DOK6: variants seen among roughly 807,000 people sequenced by gnomAD.
DOK6 encodes docking protein 6.
In DOK6, 22 loss-of-function variants were observed where a neutral mutation model predicts 44.0. The observed-to-expected ratio is 0.50, with a 90% CI of 0.36 to 0.71. DOK6 has a LOEUF of 0.71. Among genes scored for constraint, DOK6 ranks in the 30% least tolerant of loss-of-function variants. The pLI, the probability that DOK6 is intolerant of heterozygous loss-of-function variation, is 0.00. For missense variants in DOK6, 340 were observed against 416.4 expected, an observed-to-expected ratio of 0.82 and a Z score of 1.60; for synonymous variants, 166 against 145.5, an observed-to-expected ratio of 1.14 and a Z score of -1.01.
chr18:69,653,791 CATT>C (rs934393554), intron 3 of DOK6, among the ~76,000 whole-genome samples: 21 of 152,278 alleles, frequency 1.4e-4, no homozygotes, highest in African/African-American at 4.8e-4. Context: ...AGATAAACAT[CATT>C]GAGATCCTCA....
At chr18:69,420,294 T>C (rs564035136) in intron 1 of DOK6, among the ~76,000 whole-genome samples, 10 of 152,196 alleles carry the variant, frequency 6.6e-5, no homozygotes, top group Non-Finnish European at 1.2e-4. Context: ...TATATTTGTC[T>C]TTAAAATTTA....
intron 3 of DOK6, among the ~76,000 whole-genome samples, chr18:69,634,387 A>G (rs1984756540): frequency 6.6e-6 from 1 of 152,150 alleles, no homozygotes; most frequent in Non-Finnish European, 1.5e-5. Context: ...AAAACTGATC[A>G]TGCTTTTTGC....
At chr18:69,495,073 C>A (rs1408378733) in intron 1 of DOK6, among the ~76,000 whole-genome samples, 1 of 152,216 alleles carries the variant, frequency 6.6e-6, no homozygotes, top group Non-Finnish European at 1.5e-5. Flanking sequence ...AGGATGGGCA[C>A]CTCCAGGTGC....
intron 1 of DOK6, among the ~76,000 whole-genome samples, chr18:69,505,601 G>A (rs898244467): frequency 5.4e-5 from 8 of 147,444 alleles, no homozygotes; most frequent in Non-Finnish European, 7.4e-5. Context: ...AGGTTCAAGC[G>A]ATTCTCCTGC....
At chr18:69,558,748 A>C (rs768930036) in intron 1 of DOK6, among the ~76,000 whole-genome samples, 3 of 152,174 alleles carry the variant, frequency 2.0e-5, no homozygotes, top group Non-Finnish European at 4.4e-5. Context: ...AGGAGACAGA[A>C]CAACTACATG....
intron 3 of DOK6, among the ~76,000 whole-genome samples, chr18:69,675,036 A>G (rs1985889846): frequency 6.6e-6 from 1 of 152,026 alleles, no homozygotes; most frequent in African/African-American, 2.4e-5. Context: ...TGCTATTCCT[A>G]TTCTTATATG....
chr18:69,808,921 G>A (rs924074134), intron 7 of DOK6, among the ~76,000 whole-genome samples: 12 of 151,754 alleles, frequency 7.9e-5, no homozygotes, highest in African/African-American at 2.4e-4. Context: ...CATAGAAGAA[G>A]AGAAAATACT....
intron 7 of DOK6, among the ~76,000 whole-genome samples, chr18:69,772,143 C>G (rs963473514): frequency 1.3e-5 from 2 of 151,780 alleles, no homozygotes; most frequent in Non-Finnish European, 2.9e-5. Flanking sequence ...GCACTCGAGT[C>G]TGGGTGACAG....
intron 3 of DOK6, chr18:69,662,779 G>A (rs1227096006): frequency 6.6e-6 from 1 of 152,176 alleles, no homozygotes; most frequent in African/African-American, 2.4e-5. Flanking sequence ...CCACAATGAT[G>A]TTTAGCTTTA....
chr18:69,594,077 A>T (rs1204973367), intron 2 of DOK6, among the ~76,000 whole-genome samples: 1 of 152,192 alleles, frequency 6.6e-6, no homozygotes. Flanking sequence ...ATTTCAGAAC[A>T]CGATTTAATG....
chr18:69,444,105 G>T (rs1979213604), intron 1 of DOK6, among the ~76,000 whole-genome samples: 1 of 152,082 alleles, frequency 6.6e-6, no homozygotes, highest in Admixed American at 6.6e-5. Context: ...AAGGTTATAA[G>T]ACAGGATATT....
At chr18:69,620,047 A>G (rs115674205) in intron 3 of DOK6, among the ~76,000 whole-genome samples, 1,776 of 152,240 alleles carry the variant, frequency 0.012, 24 homozygotes, top group African/African-American at 0.041. Flanking sequence ...TAATATTACA[A>G]ACACTTGTGA....
chr18:69,763,325 A>G (rs1422804441), intron 7 of DOK6, among the ~76,000 whole-genome samples: 3 of 152,268 alleles, frequency 2.0e-5, no homozygotes, highest in African/African-American at 7.2e-5. Flanking sequence ...GTTGATTTGT[A>G]TTTGAAAGTA....
intron 1 of DOK6, among the ~76,000 whole-genome samples, chr18:69,532,150 T>A (rs1982003005): frequency 6.6e-6 from 1 of 152,206 alleles, no homozygotes; most frequent in Admixed American, 6.5e-5. Flanking sequence ...CTGTGAGAAA[T>A]AAACGTCTGT....
At chr18:69,417,613 A>G (rs1406420092) in intron 1 of DOK6, among the ~76,000 whole-genome samples, 1 of 152,056 alleles carries the variant, frequency 6.6e-6, no homozygotes, top group Admixed American at 6.6e-5. Flanking sequence ...TGGCAATTCT[A>G]TGTTCAAATT....
Position 69,739,292 on chromosome 18 carries a change from G to T in DOK6, c.738+189G>T, listed in dbSNP as rs1978723111. The T allele has an allele frequency of 3.7e-5, 25 of 672,102 alleles. No homozygotes were observed. The South Asian group carries it at 7.6e-4, about 20-fold the overall frequency. 41.6% of individuals were successfully genotyped at this position (672,102 alleles called of 1,614,324 possible). A position where few individuals can be genotyped will look rare whatever the true frequency, so the allele number is the denominator to read the frequency against. ...ATATGTCAAAAAAGAAGTTATTGTGGCCACCAACTGTGAGCCCTGCACTTC... is the reference window on the plus strand; with the variant it reads ...ATATGTCAAAAAAGAAGTTATTGTGTCCACCAACTGTGAGCCCTGCACTTC... On this transcript the variant is annotated intron_variant, in intron 6 of 7. Coordinates refer to ENST00000382713, the MANE Select transcript of DOK6 (RefSeq NM_152721.6).
chr18:69,473,950 T>C (rs772620239), intron 1 of DOK6, among the ~76,000 whole-genome samples: 2 of 148,844 alleles, frequency 1.3e-5, no homozygotes, highest in Non-Finnish European at 3.0e-5. Flanking sequence ...CTTTCCCCCA[T>C]GCACCCAAGC....
chr18:69,568,473 G>A (rs1983038493), intron 2 of DOK6, among the ~76,000 whole-genome samples: 1 of 152,210 alleles, frequency 6.6e-6, no homozygotes, highest in African/African-American at 2.4e-5. Flanking sequence ...GTCAGATCTG[G>A]AATCAAGGGA....
intron 1 of DOK6, among the ~76,000 whole-genome samples, chr18:69,470,692 G>T (rs1278078454): frequency 6.6e-6 from 1 of 152,106 alleles, no homozygotes; most frequent in African/African-American, 2.4e-5. Context: ...GAATGGTGGG[G>T]CGGGAGGGAA....
Sources: gnomAD v4.1 joint callset for allele counts (sites outside exome capture counted in the v4.1 genomes callset) on GRCh38, gnomAD v4.1.1 for gene constraint, MANE v1.5 for transcripts, NCBI Gene and HGNC (gene_info 2026-07-23, HGNC 2026-07-21) for gene names.